Variants in CNBD1 observed in about 807,000 individuals in gnomAD.
The protein encoded by CNBD1 is cyclic nucleotide binding domain containing 1.
CNBD1 carries 71 observed loss-of-function variants against 54.4 expected under a neutral mutation model. The ratio of observed to expected loss-of-function variants is 1.30; its 90% CI spans 1.08 to 1.59. CNBD1 has a LOEUF of 1.59. Ranked by LOEUF, CNBD1 falls within the 40% of genes most tolerant of loss-of-function variation. The pLI is 0.00. For missense variants in CNBD1, 659 were observed against 518.0 expected, an observed-to-expected ratio of 1.27 and a Z score of -2.64; for synonymous variants, 182 against 170.7, an observed-to-expected ratio of 1.07 and a Z score of -0.51.
intron 8 of CNBD1, among the ~76,000 whole-genome samples, chr8:87,297,871 A>G (rs1245683037): frequency 1.3e-5 from 2 of 152,018 alleles, no homozygotes; most frequent in Admixed American, 1.3e-4. Flanking sequence ...AATGGGCCTC[A>G]TGAAGTGATA....
intron 8 of CNBD1, among the ~76,000 whole-genome samples, chr8:87,339,114 C>A (rs1810011625): frequency 7.3e-6 from 1 of 137,662 alleles, no homozygotes; most frequent in Non-Finnish European, 1.6e-5. Context: ...TTCGATTAAA[C>A]CATTTCTCTT....
At chr8:87,040,252 T>C (rs1810036120) in intron 4 of CNBD1, among the ~76,000 whole-genome samples, 6 of 152,202 alleles carry the variant, frequency 3.9e-5, no homozygotes, top group Admixed American at 2.6e-4. Flanking sequence ...CATAGTTAAT[T>C]TGGGCTATGC....
intron 8 of CNBD1, among the ~76,000 whole-genome samples, chr8:87,321,446 G>C (rs1809528456): frequency 6.6e-6 from 1 of 152,134 alleles, no homozygotes. Context: ...GTAATAATTA[G>C]TGATACTGAA....
At chr8:87,108,655 G>A (rs1372265494) in intron 4 of CNBD1, among the ~76,000 whole-genome samples, 4 of 152,198 alleles carry the variant, frequency 2.6e-5, no homozygotes, top group East Asian at 1.9e-4. Flanking sequence ...CTATGTGAAT[G>A]TCAAGGAAGT....
chr8:86,928,410 C>T (rs898718371), intron 3 of CNBD1, among the ~76,000 whole-genome samples: 1 of 152,138 alleles, frequency 6.6e-6, no homozygotes, highest in African/African-American at 2.4e-5. Flanking sequence ...CCTTGACCTT[C>T]CCTGAGGATT....
At chr8:87,324,750 C>A (rs1809631791) in intron 8 of CNBD1, among the ~76,000 whole-genome samples, 1 of 149,098 alleles carries the variant, frequency 6.7e-6, no homozygotes, top group Non-Finnish European at 1.5e-5. Context: ...TTTCAAAAAA[C>A]CAGCTCCTGG....
chr8:87,376,887 G>A (rs990346612), intron 10 of CNBD1, among the ~76,000 whole-genome samples: 1 of 151,610 alleles, frequency 6.6e-6, no homozygotes, highest in African/African-American at 2.4e-5. Flanking sequence ...TTAAAAATCA[G>A]AACCTTAGAA....
At chr8:87,397,182 G>A (rs774899092) in intron 2 of CNBD1, among the ~76,000 whole-genome samples, 60 of 151,460 alleles carry the variant, frequency 4.0e-4, no homozygotes, top group Non-Finnish European at 7.7e-4. Context: ...TTATTCTTAT[G>A]CCCTATTTCT....
chr8:87,395,086 G>C (rs1232062229), intron 2 of CNBD1, among the ~76,000 whole-genome samples: 1 of 151,806 alleles, frequency 6.6e-6, no homozygotes, highest in Non-Finnish European at 1.5e-5. Flanking sequence ...ATAACATAAA[G>C]TTAAATGTAT....
intron 4 of CNBD1, among the ~76,000 whole-genome samples, chr8:87,022,046 CA>C (rs1809498338): frequency 6.6e-6 from 1 of 152,118 alleles, no homozygotes; most frequent in Non-Finnish European, 1.5e-5. Context: ...TTTGAACTTA[CA>C]GATTAAGCAT....
At chr8:87,336,387 T>G (rs1410394197) in intron 8 of CNBD1, among the ~76,000 whole-genome samples, 1 of 152,102 alleles carries the variant, frequency 6.6e-6, no homozygotes, top group East Asian at 1.9e-4. Context: ...TGAAGGTTTT[T>G]TTCATTCCTT....
chr8:87,414,340 G>A (rs190024135), intron 2 of CNBD1, among the ~76,000 whole-genome samples: 1 of 152,226 alleles, frequency 6.6e-6, no homozygotes, highest in East Asian at 1.9e-4. Flanking sequence ...CATGGACACA[G>A]GAAGGGGAAC....
At position 86,870,716 on chromosome 8, in the gene CNBD1, C is replaced by T. The variant is rs1283527918; in HGVS notation, c.88+4133C>T. Among the ~76,000 whole-genome samples the T allele has an allele frequency of 5.9e-5, 9 of 151,916 alleles. No individual in the cohort carries two copies. The East Asian group carries it at 1.7e-3, about 29-fold the overall frequency. ...TTTAAAAGTTTTAAACCATTCAAAT[C>T]CTAGGAATGCAGGTAAGAAAAAAAG... On this transcript the variant is annotated intron_variant, in intron 1 of 10. Coordinates refer to ENST00000518476, the MANE Select transcript of CNBD1 (RefSeq NM_173538.3).
intron 4 of CNBD1, among the ~76,000 whole-genome samples, chr8:86,991,658 C>T (rs1045253091): frequency 6.6e-6 from 1 of 152,062 alleles, no homozygotes; most frequent in African/African-American, 2.4e-5. Context: ...GTGTTTAGTT[C>T]TGTAAACTTC....
intron 2 of CNBD1, among the ~76,000 whole-genome samples, chr8:87,395,316 G>A (rs757764157): frequency 6.6e-6 from 1 of 151,820 alleles, no homozygotes; most frequent in Non-Finnish European, 1.5e-5. Flanking sequence ...TTTGCCAGTA[G>A]TGAAAATAAT....
At chr8:86,894,734 C>A (rs758064006) in intron 2 of CNBD1, among the ~76,000 whole-genome samples, 2 of 152,068 alleles carry the variant, frequency 1.3e-5, no homozygotes, top group Non-Finnish European at 2.9e-5. Flanking sequence ...GATTTTTTTC[C>A]TCTGTTTCCA....
intron 4 of CNBD1, among the ~76,000 whole-genome samples, chr8:87,184,074 C>T (rs985245897): frequency 1.3e-5 from 2 of 152,084 alleles, no homozygotes; most frequent in African/African-American, 2.4e-5. Flanking sequence ...TGATTGTGGC[C>T]AATGGGGTGA....
chr8:87,225,307 T>G (rs1328066694), intron 5 of CNBD1, among the ~76,000 whole-genome samples: 1 of 150,280 alleles, frequency 6.7e-6, no homozygotes, highest in Non-Finnish European at 1.5e-5. Flanking sequence ...AGAGAGGGCA[T>G]CCCTGTCTTG....
intron 4 of CNBD1, among the ~76,000 whole-genome samples, chr8:87,043,491 AT>A (rs1352962476): frequency 6.6e-5 from 10 of 152,144 alleles, no homozygotes; most frequent in Non-Finnish European, 1.5e-4. Flanking sequence ...ATGTTTCTGA[AT>A]TTTTGATATT....
Sources: allele counts gnomAD v4.1 joint callset (sites outside exome capture counted in the v4.1 genomes callset), GRCh38; gene constraint gnomAD v4.1.1; transcripts MANE v1.5; gene names NCBI Gene and HGNC (gene_info 2026-07-23, HGNC 2026-07-21).